Variants in LIMCH1 observed in about 807,000 individuals in gnomAD.
LIMCH1 encodes LIM and calponin homology domains 1.
Under a neutral mutation model 176.5 loss-of-function variants are expected in LIMCH1, and 113 were observed. The observed-to-expected ratio is 0.64, with a 90% confidence interval of 0.55 to 0.75. LIMCH1 has a LOEUF of 0.75. Ranked by LOEUF, LIMCH1 falls within the 30% of genes least tolerant of loss-of-function variation. The pLI, the probability that LIMCH1 is intolerant of heterozygous loss-of-function variation, is 0.00. For synonymous variants in LIMCH1, 619 were observed against 645.9 expected, an observed-to-expected ratio of 0.96 and a Z score of 0.63; for missense variants, 1,674 against 1,814.9, an observed-to-expected ratio of 0.92 and a Z score of 1.41.
intron 26 of LIMCH1, 100 bp from the exon 27 acceptor site, chr4:41,684,297 A>T: frequency 1.0e-6 from 1 of 975,050 alleles, no homozygotes; most frequent in South Asian, 2.4e-5. Context: ...CTCTTTTTTT[A>T]TATTGTAATT....
At chr4:41,410,814 C>T (rs753692954) in intron 1 of LIMCH1, among the ~76,000 whole-genome samples, 4 of 152,102 alleles carry the variant, frequency 2.6e-5, no homozygotes, top group Admixed American at 6.6e-5. Flanking sequence ...TTGGTGAAAC[C>T]GTTTCTCTGA....
Position 41,467,908 on chromosome 4 carries a change from G to A in LIMCH1, c.97-26628G>A, listed in dbSNP as rs529611325. ...CACTGTACATTGGAAGCATTGACAC[G>A]TGCGGGACGCCATTCATACAGCGTC... On this transcript the variant is annotated intron_variant, in intron 1 of 26. Transcript: ENST00000313860. 3.3e-4 allele frequency among the ~76,000 whole-genome samples: 51 copies of A among 152,272 alleles called. No individual in the cohort carries two copies. In the South Asian group the frequency reaches 8.1e-3, roughly 24 times the overall value.
At chr4:41,422,802 G>C (rs1377101164) in intron 1 of LIMCH1, among the ~76,000 whole-genome samples, 1 of 151,996 alleles carries the variant, frequency 6.6e-6, no homozygotes, top group African/African-American at 2.4e-5. Context: ...CTGTCACCCA[G>C]GCTGCAGGGC....
At chr4:41,548,423 C>T (rs2152504109) in intron 1 of LIMCH1, among the ~76,000 whole-genome samples, 1 of 152,108 alleles carries the variant, frequency 6.6e-6, no homozygotes, top group African/African-American at 2.4e-5. Flanking sequence ...GCCTCTTTGC[C>T]CCCGCTCCAC....
At chr4:41,490,690 C>T (rs955144804) in intron 1 of LIMCH1, among the ~76,000 whole-genome samples, 4 of 152,236 alleles carry the variant, frequency 2.6e-5, no homozygotes, top group African/African-American at 9.6e-5. Flanking sequence ...CCTACACAGA[C>T]ACAGTAACAA....
At chr4:41,516,431 C>T (rs776396418) in intron 2 of LIMCH1, among the ~76,000 whole-genome samples, 44 of 152,160 alleles carry the variant, frequency 2.9e-4, no homozygotes, top group Non-Finnish European at 5.7e-4. Flanking sequence ...TTTAGAAACC[C>T]AAGTTTATAA....
chr4:41,558,224 T>C (rs1435397772), intron 1 of LIMCH1, among the ~76,000 whole-genome samples: 3 of 151,634 alleles, frequency 2.0e-5, no homozygotes, highest in Admixed American at 6.6e-5. Flanking sequence ...CTCTAAAGAG[T>C]CATAAAAACT....
intron 2 of LIMCH1, among the ~76,000 whole-genome samples, chr4:41,514,514 AG>A (rs2075346956): frequency 1.3e-5 from 2 of 152,204 alleles, no homozygotes; most frequent in African/African-American, 2.4e-5. Context: ...TCAGGGACAA[AG>A]GCTAGGACAA....
intron 1 of LIMCH1, among the ~76,000 whole-genome samples, chr4:41,451,987 T>G (rs1245041398): frequency 6.6e-6 from 1 of 152,216 alleles, no homozygotes; most frequent in African/African-American, 2.4e-5. Flanking sequence ...TCATAAGCCC[T>G]AGGCACGCTT....
At chr4:41,599,753 A>T (rs2089588354) in intron 2 of LIMCH1, among the ~76,000 whole-genome samples, 1 of 152,226 alleles carries the variant, frequency 6.6e-6, no homozygotes, top group South Asian at 2.1e-4. Context: ...AATAATAAAC[A>T]TAGTTACATA....
chr4:41,512,581 T>C (rs900700587), intron 2 of LIMCH1, among the ~76,000 whole-genome samples: 3 of 152,218 alleles, frequency 2.0e-5, no homozygotes, highest in African/African-American at 7.2e-5. Flanking sequence ...TAAAAAGGAA[T>C]AAAGCATTGA....
intron 2 of LIMCH1, among the ~76,000 whole-genome samples, chr4:41,523,868 G>T (rs2076356802): frequency 6.6e-6 from 1 of 152,118 alleles, no homozygotes; most frequent in African/African-American, 2.4e-5. Flanking sequence ...AATATGATTG[G>T]CTAACCTCTT....
At chr4:41,574,658 C>T (rs2084151529) in intron 1 of LIMCH1, among the ~76,000 whole-genome samples, 1 of 152,078 alleles carries the variant, frequency 6.6e-6, no homozygotes, top group South Asian at 2.1e-4. Context: ...TCAGCTTAAC[C>T]ATCATCCCTG....
At chr4:41,466,776 A>G (rs1035611445) in intron 1 of LIMCH1, among the ~76,000 whole-genome samples, 3 of 152,232 alleles carry the variant, frequency 2.0e-5, no homozygotes, top group African/African-American at 4.8e-5. Context: ...TGTACATAAC[A>G]TAACATTTAC....
Position 41,686,046 on chromosome 4 carries a change from T to C in LIMCH1, c.4088+216T>C, listed in dbSNP as rs890379806. Among the ~76,000 whole-genome samples, 20 of 152,180 alleles carry C rather than the reference T, an allele frequency of 1.3e-4. No individual in the cohort carries two copies. The East Asian group carries it at 3.7e-3, about 28-fold the overall frequency. On this transcript the variant is annotated intron_variant, in intron 28 of 31. Transcript: ENST00000503057. ...GTACTCTGAATTTATCAAGTTGTAA[T>C]AGGCAAAGTTATGTTTTTAGCCCAC...
At chr4:41,367,684 C>CAA (rs35832745) in intron 1 of LIMCH1, among the ~76,000 whole-genome samples, 10,513 of 96,278 alleles carry the variant, frequency 0.11, 1,071 homozygotes, top group Non-Finnish European at 0.14. Context: ...ACTAAAAATC[C>CAA]AAAAAAAAAA....
intron 3 of LIMCH1, among the ~76,000 whole-genome samples, chr4:41,527,822 CAAAAA>C (rs34651693): frequency 0.13 from 6,072 of 47,336 alleles, 189 homozygotes; most frequent in East Asian, 0.35. Context: ...GACTCCGTCT[CAAAAA>C]AAAAAAAAAA....
intron 1 of LIMCH1, among the ~76,000 whole-genome samples, chr4:41,573,739 GC>G (rs1273445699): frequency 1.3e-5 from 2 of 152,028 alleles, no homozygotes; most frequent in Non-Finnish European, 2.9e-5. Context: ...CAAATTCCCA[GC>G]AGTAAAGTTG....
At chr4:41,453,211 A>G (rs1415741221) in intron 1 of LIMCH1, among the ~76,000 whole-genome samples, 1 of 152,212 alleles carries the variant, frequency 6.6e-6, no homozygotes, top group African/African-American at 2.4e-5. Context: ...AAAAAATGGT[A>G]ATTATGAGAT....
Sources: allele counts gnomAD v4.1 joint callset (sites outside exome capture counted in the v4.1 genomes callset), GRCh38; gene constraint gnomAD v4.1.1; transcripts MANE v1.5; gene names NCBI Gene and HGNC (gene_info 2026-07-23, HGNC 2026-07-21).